Variants in NPSR1 observed in about 807,000 individuals in gnomAD.
NPSR1 encodes neuropeptide S receptor 1, also known as neuropeptide S receptor.
NPSR1 carries 48 observed loss-of-function variants against 46.9 expected under a neutral mutation model. The observed-to-expected ratio is 1.02, with a 90% CI of 0.81 to 1.30. The LOEUF (loss-of-function observed/expected upper bound fraction) is 1.30. Ranked by LOEUF, NPSR1 falls within the 50% of genes most tolerant of loss-of-function variation. NPSR1 has a pLI of 0.00. For synonymous variants in NPSR1, 176 were observed against 168.1 expected, an observed-to-expected ratio of 1.05 and a Z score of -0.36; for missense variants, 450 against 449.5, an observed-to-expected ratio of 1.00 and a Z score of -0.01.
rs546633372 is a variant in NPSR1 at position 34,686,956 on chromosome 7, G to A, written c.280+2272G>A. Among the ~76,000 whole-genome samples the A allele has an allele frequency of 2.6e-4, 24 of 92,558 alleles. No individual in the cohort carries two copies. The South Asian group carries it at 6.2e-3, about 24-fold the overall frequency. The allele number at this position is 92,558 out of a possible 152,430, so 60.7% of individuals were successfully genotyped here. On this transcript the variant is annotated intron_variant, in intron 2 of 8. Coordinates refer to ENST00000360581, the MANE Select transcript of NPSR1 (RefSeq NM_207172.2). ...AGCCTGGGCGACAGAGTGAGACTCC[G>A]TCTCAAAAAAAAAAAAAAAAAAAAA...
chr7:34,764,756 CTAGGTAAGGACA>C (rs1786352483), intron 2 of NPSR1, among the ~76,000 whole-genome samples: 1 of 152,152 alleles, frequency 6.6e-6, no homozygotes, highest in Non-Finnish European at 1.5e-5. Context: ...TCTCCTACTT[CTAGGTAAGGACA>C]TGAAATTCTC....
chr7:34,803,998 A>G (rs1788562627), intron 3 of NPSR1, among the ~76,000 whole-genome samples: 1 of 152,106 alleles, frequency 6.6e-6, no homozygotes, highest in Non-Finnish European at 1.5e-5. Flanking sequence ...AAACTGAATT[A>G]ATAATTAATA....
At chr7:34,860,800 A>G (rs1791173779) in intron 8 of NPSR1, among the ~76,000 whole-genome samples, 1 of 151,870 alleles carries the variant, frequency 6.6e-6, no homozygotes, top group East Asian at 1.9e-4. Context: ...AAGAGTTTTG[A>G]CCTCACAGAC....
At chr7:34,766,402 G>A (rs1245058161) in intron 2 of NPSR1, among the ~76,000 whole-genome samples, 1 of 152,082 alleles carries the variant, frequency 6.6e-6, no homozygotes, top group East Asian at 1.9e-4. Flanking sequence ...ACCTGTACAT[G>A]AATGTTTATA....
At chr7:34,783,312 C>G in intron 3 of NPSR1, among the ~76,000 whole-genome samples, 1 of 151,958 alleles carries the variant, frequency 6.6e-6, no homozygotes, top group Non-Finnish European at 1.5e-5. Context: ...GCAAACATGT[C>G]CTTCACAAGG....
intron 1 of NPSR1, among the ~76,000 whole-genome samples, chr7:34,672,909 C>T (rs904382669): frequency 6.6e-6 from 1 of 152,156 alleles, no homozygotes; most frequent in Non-Finnish European, 1.5e-5. Flanking sequence ...AAATAATTGG[C>T]TTTCAGACCG....
intron 2 of NPSR1, among the ~76,000 whole-genome samples, chr7:34,755,202 T>C (rs1186404657): frequency 6.6e-6 from 1 of 152,204 alleles, no homozygotes; most frequent in Non-Finnish European, 1.5e-5. Flanking sequence ...AACTACAGTT[T>C]TATATTCCCA....
chr7:34,732,882 G>A (rs976926099), intron 2 of NPSR1, among the ~76,000 whole-genome samples: 10 of 152,294 alleles, frequency 6.6e-5, no homozygotes, highest in East Asian at 1.9e-4. Flanking sequence ...GGTGGTGGCC[G>A]TTAAGAGTGA....
At chr7:34,686,942 C>G (rs1248028732) in intron 2 of NPSR1, among the ~76,000 whole-genome samples, 1 of 122,974 alleles carries the variant, frequency 8.1e-6, no homozygotes, top group Non-Finnish European at 1.6e-5. Flanking sequence ...GCCTGGGCGA[C>G]AGAGTGAGAC....
chr7:34,802,447 G>C (rs1197665806), intron 3 of NPSR1, among the ~76,000 whole-genome samples: 3 of 150,058 alleles, frequency 2.0e-5, no homozygotes, highest in Non-Finnish European at 4.4e-5. Flanking sequence ...ACAAACCTGA[G>C]AAAAACAAGC....
chr7:34,696,152 C>A (rs1213589071), intron 2 of NPSR1, among the ~76,000 whole-genome samples: 4 of 148,048 alleles, frequency 2.7e-5, no homozygotes, highest in Admixed American at 6.7e-5. Flanking sequence ...AGAATGAAAT[C>A]ATGTCCTTTA....
chr7:34,785,232 G>C (rs1226367048), intron 3 of NPSR1, among the ~76,000 whole-genome samples: 1 of 151,744 alleles, frequency 6.6e-6, no homozygotes, highest in African/African-American at 2.4e-5. Context: ...TCCTTTGTAG[G>C]GACACGGATG....
intron 3 of NPSR1, among the ~76,000 whole-genome samples, chr7:34,780,810 T>G (rs1396052228): frequency 6.6e-6 from 1 of 152,172 alleles, no homozygotes; most frequent in Non-Finnish European, 1.5e-5. Context: ...TCTGGAAGAC[T>G]CCACTTGCAA....
chr7:34,848,309 G>C (rs1004985307), intron 7 of NPSR1, among the ~76,000 whole-genome samples, 174 bp from the exon 8 acceptor site: 3 of 152,156 alleles, frequency 2.0e-5, no homozygotes, highest in African/African-American at 7.2e-5. Context: ...ATATATATGT[G>C]TGTATGTGTT....
chr7:34,849,308 T>C, intron 8 of NPSR1: 1 of 1,515,724 alleles, frequency 6.6e-7, no homozygotes, highest in Non-Finnish European at 9.0e-7. Flanking sequence ...CTCAGCTTCT[T>C]CATCTGTAAA....
chr7:34,792,722 T>C (rs928346312), intron 3 of NPSR1, among the ~76,000 whole-genome samples: 2 of 125,962 alleles, frequency 1.6e-5, no homozygotes, highest in Non-Finnish European at 3.3e-5. Flanking sequence ...TATTTATATA[T>C]ATATATATAT....
At chr7:34,806,357 C>T (rs1206373726) in intron 3 of NPSR1, among the ~76,000 whole-genome samples, 1 of 151,968 alleles carries the variant, frequency 6.6e-6, no homozygotes, top group Non-Finnish European at 1.5e-5. Flanking sequence ...GCTATCCAGC[C>T]ATGAAAAGAC....
At chr7:34,857,002 A>G (rs1791065664) in intron 8 of NPSR1, among the ~76,000 whole-genome samples, 1 of 151,674 alleles carries the variant, frequency 6.6e-6, no homozygotes, top group Admixed American at 6.6e-5. Flanking sequence ...TTTTAGGGTA[A>G]AGTTCCATGA....
intron 4 of NPSR1, among the ~76,000 whole-genome samples, chr7:34,816,025 C>A (rs1401934972): frequency 6.6e-6 from 1 of 152,236 alleles, no homozygotes; most frequent in Non-Finnish European, 1.5e-5. Flanking sequence ...GCAAAATAAC[C>A]AGCTAACATC....
Sources: gnomAD v4.1 joint callset for allele counts (sites outside exome capture counted in the v4.1 genomes callset) on GRCh38, gnomAD v4.1.1 for gene constraint, MANE v1.5 for transcripts, NCBI Gene and HGNC (gene_info 2026-07-23, HGNC 2026-07-21) for gene names.